LRRC42: variants seen among roughly 807,000 people sequenced by gnomAD.
LRRC42 encodes leucine rich repeat containing 42, also known as leucine-rich repeat-containing protein 42.
In LRRC42, 43 loss-of-function variants were observed where a neutral mutation model predicts 44.3. The observed-to-expected ratio is 0.97, with a 90% confidence interval of 0.76 to 1.25. LRRC42 has a LOEUF of 1.25. Among genes scored for constraint, LRRC42 ranks in the 50% most tolerant of loss-of-function variants. The pLI, the probability that LRRC42 is intolerant of heterozygous loss-of-function variation, is 0.00. For missense variants in LRRC42, 540 were observed against 509.1 expected (o/e 1.06, Z -0.58); for synonymous variants, 207 against 195.2 (o/e 1.06, Z -0.50).
chr1:53,960,550 C>T, intron 5 of LRRC42, 76 bp downstream of exon 5: 1 of 1,078,274 alleles, frequency 9.3e-7, no homozygotes, highest in Non-Finnish European at 1.4e-6. Context: ...TCTTCCTCTT[C>T]ATTTTAGAGG....
At chr1:53,947,996 T>A (rs981548120) in intron 2 of LRRC42, 175 bp downstream of exon 2, 2 of 152,196 alleles carry the variant, frequency 1.3e-5, no homozygotes, top group Admixed American at 1.3e-4. Flanking sequence ...GTTATTTTAT[T>A]TCCGTGGGTC....
intron 7 of LRRC42, among the ~76,000 whole-genome samples, chr1:53,962,945 C>A (rs947190536): frequency 5.3e-5 from 8 of 152,106 alleles, no homozygotes; most frequent in Admixed American, 1.3e-4. Context: ...GATGGTCTTT[C>A]TTCACTTGGT....
In LRRC42 at chr1:53,960,389, A is replaced by G; in HGVS notation, c.639A>G (p.Leu213=). 5 of 1,613,872 alleles carry G rather than the reference A, an allele frequency of 3.1e-6. No homozygotes were observed. The South Asian group carries it at 4.4e-5, about 14-fold the overall frequency. The change falls in exon 5 of 9, where the codon TTA becomes TTG. Residue 213 remains leucine (L), a synonymous_variant. Coordinates refer to ENST00000371370, the MANE Select transcript of LRRC42 (RefSeq NM_001256409.2). ...AGCTCCACCTGAAGGATAATTGTTT[A>G]TCTGATGCTGGGGTGCGGAAGATGA... ...VTQLHLKDNC[L]SDAGVRKMTA...
rs762655764 is a variant in LRRC42, at chr1:53,952,425, T to A, written c.426T>A (p.Thr142=). The change falls in exon 3 of 9, where the codon ACT becomes ACA. Residue 142 remains threonine (T), a synonymous_variant. Transcript: ENST00000371370. ...GAGLRALQKF[T]EAYGSLVLCS... ...GGCTGAGGGCTTTACAGAAATTCAC[T>A]GAGGCCTATGGAAGTTTGGTGCTTT... 13 of 1,608,582 alleles carry A rather than the reference T, an allele frequency of 8.1e-6. No individual in the cohort carries two copies. The highest frequency in any genetic ancestry group is 1.1e-5 in the Non-Finnish European group (13 of 1,175,322).
At chr1:53,966,023 A>G (rs1655120800) in intron 7 of LRRC42, among the ~76,000 whole-genome samples, 1 of 152,226 alleles carries the variant, frequency 6.6e-6, no homozygotes, top group Non-Finnish European at 1.5e-5. Context: ...CCAGCTTGGA[A>G]TAAAGATGAA....
At position 53,958,309 on chromosome 1, in the gene LRRC42, A is replaced by G. The variant is rs1282767823; in HGVS notation, c.605+29A>G. 1.9e-6 allele frequency: 3 copies of G among 1,611,364 alleles called. No individual in the cohort carries two copies. In the African/African-American group the frequency reaches 4.0e-5, roughly 22 times the overall value. Reference sequence around the variant, plus strand: ...CTGACCTGTCACCACTTGCAGATGAATTGTTTCAGTATTGTTTTAAAGGCT... The same window carrying G: ...CTGACCTGTCACCACTTGCAGATGAGTTGTTTCAGTATTGTTTTAAAGGCT... On this transcript the variant is annotated intron_variant, in intron 4 of 8. Coordinates refer to ENST00000371370, the MANE Select transcript of LRRC42 (RefSeq NM_001256409.2).
chr1:53,952,177 G>C lies in LRRC42; in HGVS notation c.178G>C (p.Glu60Gln). Reference protein sequence around the residue: ...GFSVELCMNREDDTARKEKTD... With the variant: ...GFSVELCMNRQDDTARKEKTD... Reference sequence around the variant, plus strand: ...TTCTGTGGAGCTTTGCATGAACAGGGAAGACGACACTGCACGGAAAGAGAA... The same window carrying C: ...TTCTGTGGAGCTTTGCATGAACAGGCAAGACGACACTGCACGGAAAGAGAA... The change falls in exon 3 of 9, where the codon GAA (glutamate) becomes CAA (glutamine). Residue 60 changes from glutamate (E) to glutamine (Q), a missense_variant. Physicochemically the swap from Glu to Gln is conservative, Grantham distance 29. Transcript: ENST00000371370. 1 of 1,614,176 alleles carries C rather than the reference G, an allele frequency of 6.2e-7. No homozygotes were observed. The highest frequency in any genetic ancestry group is 1.1e-5 in the South Asian group (1 of 91,086).
At chr1:53,947,318 G>C (rs1326244763) in intron 1 of LRRC42, among the ~76,000 whole-genome samples, 3 of 150,394 alleles carry the variant, frequency 2.0e-5, no homozygotes, top group African/African-American at 7.5e-5. Context: ...GAATTGGTAA[G>C]AGTGTCACGT....
chr1:53,965,011 T>G (rs58863955), intron 7 of LRRC42, among the ~76,000 whole-genome samples: 1 of 121,956 alleles, frequency 8.2e-6, no homozygotes, highest in Admixed American at 7.8e-5. Flanking sequence ...TTTTTTTGTT[T>G]TTTTTTTTTT....
chr1:53,958,316 C>T (rs771180542), intron 4 of LRRC42, 36 bp downstream of exon 4: 1 of 1,609,752 alleles, frequency 6.2e-7, no homozygotes, highest in Admixed American at 1.7e-5. Flanking sequence ...TGAATTGTTT[C>T]AGTATTGTTT....
In LRRC42 at chr1:53,952,148, G is replaced by T; in HGVS notation, c.149G>T (p.Gly50Val). Residue 50 changes from glycine to valine, a missense_variant, in exon 3 of 9, where the codon GGC becomes GTC. Gly to Val is a moderately radical substitution (Grantham distance 109). Coordinates refer to ENST00000371370, the MANE Select transcript of LRRC42 (RefSeq NM_001256409.2). Reference sequence around the variant, plus strand: ...AGGCCTTTCAGACTGTTCCCCAAAGGCTTTTCTGTGGAGCTTTGCATGAAC... The same window carrying T: ...AGGCCTTTCAGACTGTTCCCCAAAGTCTTTTCTGTGGAGCTTTGCATGAAC... ...KPRPFRLFPK[G>V]FSVELCMNRE... is the part of the protein sequence containing the mutation. The T allele has an allele frequency of 6.2e-7, 1 of 1,614,198 alleles. No homozygotes were observed. Among genetic ancestry groups the T allele is most frequent in the Non-Finnish European group, 8.5e-7 (1 of 1,180,034 alleles).
intron 3 of LRRC42, among the ~76,000 whole-genome samples, chr1:53,956,407 TG>T (rs1319421012): frequency 6.6e-6 from 1 of 152,248 alleles, no homozygotes; most frequent in Non-Finnish European, 1.5e-5. Flanking sequence ...CATGAGGTCT[TG>T]CAAGATGCCA....
intron 3 of LRRC42, among the ~76,000 whole-genome samples, chr1:53,957,847 C>A (rs1414032513): frequency 1.3e-5 from 2 of 152,208 alleles, no homozygotes; most frequent in Non-Finnish European, 2.9e-5. Context: ...ACACCAATGC[C>A]AAGGTCTGCC....
intron 7 of LRRC42, among the ~76,000 whole-genome samples, chr1:53,963,318 C>T (rs1409289225): frequency 6.6e-6 from 1 of 152,184 alleles, no homozygotes; most frequent in African/African-American, 2.4e-5. Flanking sequence ...GTTTCTAGTG[C>T]TGTATGAGAC....
At chr1:53,961,915 T>C (rs1417533213) in intron 5 of LRRC42, 119 bp from the exon 6 acceptor site, 2 of 692,960 alleles carry the variant, frequency 2.9e-6, no homozygotes, top group Non-Finnish European at 5.0e-6. Flanking sequence ...TTGAAAAGTT[T>C]GCCAACTCAA....
intron 5 of LRRC42, among the ~76,000 whole-genome samples, chr1:53,960,675 TTAGGG>T (rs1320002555): frequency 4.6e-5 from 7 of 152,174 alleles, no homozygotes; most frequent in African/African-American, 1.7e-4. Context: ...TACCACCTCT[TTAGGG>T]TAGGAAAAAC....
chr1:53,967,123 TAAAAG>T (rs1490503157), intron 8 of LRRC42, among the ~76,000 whole-genome samples: 1 of 152,148 alleles, frequency 6.6e-6, no homozygotes, highest in Non-Finnish European at 1.5e-5. Context: ...ATCATGATTT[TAAAAG>T]AAAAGGAAGT....
At position 53,952,384 on chromosome 1, in the gene LRRC42, A is replaced by C; in HGVS notation, c.385A>C (p.Thr129Pro). The change falls in exon 3 of 9, where the codon ACT becomes CCT. Residue 129 changes from threonine to proline, a missense_variant. Transcript: ENST00000371370. ...TGCTGCTGAAGCCAGACAGAAATTC[A>C]CTGAGCCAGGTGCAGGGCTGAGGGC... ...FSAAEARQKFTEPGAGLRALQ... is the reference protein window; with the variant it reads ...FSAAEARQKFPEPGAGLRALQ... 6.2e-7 allele frequency: 1 copy of C among 1,613,964 alleles called. No homozygotes were observed. Among genetic ancestry groups the C allele is most frequent in the South Asian group, 1.1e-5 (1 of 91,076 alleles).
chr1:53,958,130 T>C lies in LRRC42; in HGVS notation c.474-19T>C, dbSNP rs145922529. Reference sequence around the variant, plus strand: ...AGAGTAGTGAGGGGAAGCTATTGATTGCTCTCCACGCTCCGTAGGTATCTC... The same window carrying C: ...AGAGTAGTGAGGGGAAGCTATTGATCGCTCTCCACGCTCCGTAGGTATCTC... On this transcript the variant is annotated intron_variant, in intron 3 of 8. Transcript: ENST00000371370. 1,756 of 1,612,886 alleles carry C rather than the reference T, an allele frequency of 1.1e-3. 16 individuals carry two copies. The African/African-American group carries it at 0.021, about 19-fold the overall frequency.
Sources: gnomAD v4.1 joint callset for allele counts (sites outside exome capture counted in the v4.1 genomes callset) on GRCh38, gnomAD v4.1.1 for gene constraint, MANE v1.5 for transcripts, NCBI Gene and HGNC (gene_info 2026-07-23, HGNC 2026-07-21) for gene names.